MYO9B: variants seen among roughly 807,000 people sequenced by gnomAD.
MYO9B encodes unconventional myosin-IXb.
Under a neutral mutation model 229.5 loss-of-function variants are expected in MYO9B, and 71 were observed. That is an observed-to-expected ratio of 0.31 (90% CI 0.26 to 0.38). The LOEUF (loss-of-function observed/expected upper bound fraction) is 0.38, where lower values mean the gene tolerates loss of function less well. MYO9B is among the 10% of genes least tolerant of loss of function. MYO9B has a pLI of 1.00. For synonymous variants in MYO9B, 1,185 were observed against 1,235.8 expected, an observed-to-expected ratio of 0.96 and a Z score of 0.86; for missense variants, 2,255 against 2,920.5, an observed-to-expected ratio of 0.77 and a Z score of 5.25.
intron 1 of MYO9B, among the ~76,000 whole-genome samples, chr19:17,088,469 C>T (rs536242946): frequency 1.8e-4 from 28 of 152,284 alleles, no homozygotes; most frequent in African/African-American, 5.5e-4. Context: ...GCCCTGCGGA[C>T]GCTGTTTCTT....
At chr19:17,112,092 G>A (rs1422622035) in intron 2 of MYO9B, among the ~76,000 whole-genome samples, 1 of 152,092 alleles carries the variant, frequency 6.6e-6, no homozygotes, top group Non-Finnish European at 1.5e-5. Flanking sequence ...GGGTTTTCCT[G>A]GACCCCTGCC....
At position 17,102,011 on chromosome 19, in the gene MYO9B, GCA is replaced by G; in HGVS notation, c.296_297del (p.His99ProfsTer50). On this transcript the variant is annotated frameshift_variant, in exon 2 of 40. Coordinates refer to ENST00000682292, the MANE Select transcript of MYO9B (RefSeq NM_004145.4). LOFTEE classifies it high-confidence loss of function. ...LLWPRRAQDE[H>X]PQEDGYYFLL... ...TATGGCCCCGGCGGGCACAGGACGA[GCA>G]CCCTCAGGAGGATGGCTACTACTTC... 1 of 1,612,528 alleles carries G rather than the reference GCA, an allele frequency of 6.2e-7. No individual in the cohort carries two copies. Among genetic ancestry groups the G allele is most frequent in the Non-Finnish European group, 8.5e-7 (1 of 1,179,884 alleles).
At chr19:17,095,359 CTA>C (rs1373746460) in intron 1 of MYO9B, 1 of 152,444 alleles carries the variant, frequency 6.6e-6, no homozygotes, top group Non-Finnish European at 1.5e-5. Flanking sequence ...CAGTCACTCC[CTA>C]TTCCCCCTCC....
chr19:17,124,543 G>T (rs977437522), intron 2 of MYO9B, among the ~76,000 whole-genome samples: 8 of 151,832 alleles, frequency 5.3e-5, no homozygotes, highest in African/African-American at 1.7e-4. Flanking sequence ...AGGCCAAGGC[G>T]GGCAGATCAC....
intron 35 of MYO9B, among the ~76,000 whole-genome samples, 189 bp from the exon 36 acceptor site, chr19:17,209,397 C>A (rs929990045): frequency 6.6e-5 from 10 of 152,218 alleles, no homozygotes; most frequent in Non-Finnish European, 1.3e-4. Context: ...AGACAGGAGA[C>A]AGGCTCAAAG....
At chr19:17,201,417 G>A (rs116189680) in intron 26 of MYO9B, among the ~76,000 whole-genome samples, 3,737 of 152,206 alleles carry the variant, frequency 0.025, 50 homozygotes, top group Middle Eastern at 0.044. Flanking sequence ...ACAGGGGGCC[G>A]ATGGGGACAC....
At chr19:17,094,892 A>G (rs2057673332) in intron 1 of MYO9B, among the ~76,000 whole-genome samples, 1 of 152,104 alleles carries the variant, frequency 6.6e-6, no homozygotes, top group African/African-American at 2.4e-5. Flanking sequence ...GCAGTGAGCC[A>G]CAATTGCACC....
In MYO9B at chr19:17,159,469, C is replaced by G. The variant is rs777247566; in HGVS notation, c.1404C>G (p.Pro468=). Residue 468 remains proline, a synonymous_variant, in exon 8 of 40, where the codon CCC becomes CCG. Coordinates refer to ENST00000682292, the MANE Select transcript of MYO9B (RefSeq NM_004145.4). ...CCGTCAACGACAAGCTTATCCTTCC[C>G]TACAGCCTCAGCGAGGTGAGCTCTG... ...TVTVNDKLIL[P]YSLSEAITAR... 1.2e-6 allele frequency: 2 copies of G among 1,609,234 alleles called. No individual in the cohort carries two copies.
chr19:17,181,097 T>G, intron 15 of MYO9B, 57 bp downstream of exon 15: 2 of 1,282,596 alleles, frequency 1.6e-6, no homozygotes, highest in Non-Finnish European at 2.2e-6. Flanking sequence ...CCACTACTCC[T>G]GCGACCCCGG....
chr19:17,192,727 C>T lies in MYO9B; in HGVS notation c.2812-19C>T. The T allele has an allele frequency of 6.6e-7, 1 of 1,507,008 alleles. No individual in the cohort carries two copies. Among genetic ancestry groups the T allele is most frequent in the South Asian group, 1.3e-5 (1 of 77,054 alleles). The allele number at this position is 1,507,008 out of a possible 1,614,324, so 93.4% of individuals were successfully genotyped here. A position where few individuals can be genotyped will look rare whatever the true frequency, so the allele number is the denominator to read the frequency against. On this transcript the variant is annotated intron_variant, in intron 20 of 39. Coordinates refer to ENST00000682292, the MANE Select transcript of MYO9B (RefSeq NM_004145.4). ...TCAGGGGCAGTGCAGCTGACCCCAC[C>T]TGACCCCGTGCCCACCAGGTCTTCC...
intron 1 of MYO9B, among the ~76,000 whole-genome samples, chr19:17,100,568 C>G (rs900092024): frequency 6.6e-6 from 1 of 152,202 alleles, no homozygotes; most frequent in Admixed American, 6.5e-5. Context: ...CTCTTCCATT[C>G]AAGCCCTCTC....
intron 21 of MYO9B, among the ~76,000 whole-genome samples, chr19:17,194,028 C>T (rs746814876): frequency 6.6e-6 from 1 of 152,018 alleles, no homozygotes; most frequent in Non-Finnish European, 1.5e-5. Flanking sequence ...AAAAATTTGC[C>T]GGGCTTGGTG....
Position 17,193,942 on chromosome 19 carries a change from G to T in MYO9B, c.3129-614G>T, listed in dbSNP as rs2073012826. Among the ~76,000 whole-genome samples, 1 of 152,094 alleles carries T rather than the reference G, an allele frequency of 6.6e-6. No homozygotes were observed. Among genetic ancestry groups the T allele is most frequent in the Non-Finnish European group, 1.5e-5 (1 of 68,020 alleles). ...AAGGCCAGCACTTTGGGAGGCCAAG[G>T]CAGGCAGATCACATGAGGCCAGGAG... On this transcript the variant is annotated intron_variant, in intron 21 of 39. Coordinates refer to ENST00000682292, the MANE Select transcript of MYO9B (RefSeq NM_004145.4). The surrounding 1 kb of genome is among the most constrained non-coding windows in gnomAD (Gnocchi z 4.3).
intron 30 of MYO9B, among the ~76,000 whole-genome samples, chr19:17,204,030 G>T (rs1293329840): frequency 1.3e-5 from 2 of 152,022 alleles, no homozygotes; most frequent in Non-Finnish European, 2.9e-5. Context: ...GGTCAAGAGG[G>T]CCTCTCCTAC....
intron 17 of MYO9B, among the ~76,000 whole-genome samples, chr19:17,185,546 CAA>C (rs556058505): frequency 4.2e-5 from 5 of 118,468 alleles, no homozygotes; most frequent in Non-Finnish European, 7.1e-5. Flanking sequence ...GACTGCGTCT[CAA>C]AAAAAAAAAA....
In MYO9B at chr19:17,169,731, G is replaced by A. The variant is rs934978975; in HGVS notation, c.1793+1667G>A. Among the ~76,000 whole-genome samples the A allele has an allele frequency of 8.1e-5, 12 of 148,730 alleles. No homozygotes were observed. In the East Asian group the frequency reaches 2.2e-3, roughly 27 times the overall value. On this transcript the variant is annotated intron_variant, in intron 11 of 39. Transcript: ENST00000682292. ...TTTTGGCCACATCACTCCAGTCCCT[G>A]CCTCCCTCTTCCTCTTCACATGGAC... is the stretch of plus-strand genomic sequence containing the variant.
chr19:17,076,906 C>T (rs1052094382), intron 1 of MYO9B, among the ~76,000 whole-genome samples: 4 of 152,266 alleles, frequency 2.6e-5, no homozygotes, highest in Non-Finnish European at 5.9e-5. Context: ...CCCGGTTGCT[C>T]TGAGCTCAGC....
In MYO9B at chr19:17,180,959, A is replaced by G. The variant is rs761082440; in HGVS notation, c.2252A>G (p.Lys751Arg). The G allele has an allele frequency of 3.7e-6, 6 of 1,610,864 alleles. No individual in the cohort carries two copies. The highest frequency in any genetic ancestry group is 1.3e-5 in the African/African-American group (1 of 74,924). Residue 751 changes from lysine to arginine, a missense_variant, in exon 15 of 40, where the codon AAA becomes AGA. By Grantham distance (26) the Lys-to-Arg change is conservative. Around this residue, in one of 7 missense-constraint regions of MYO9B, gnomAD observed 155 missense variants for 159.1 expected, o/e 0.97. Coordinates refer to ENST00000682292, the MANE Select transcript of MYO9B (RefSeq NM_004145.4). Reference sequence around the variant, plus strand: ...CATAACCAAATGATCAAGAGCATCAAAGGATTGCCCTGGCAGGGCGAGGAC... The same window carrying G: ...CATAACCAAATGATCAAGAGCATCAGAGGATTGCCCTGGCAGGGCGAGGAC... ...DLHNQMIKSI[K>R]GLPWQGEDPR...
chr19:17,211,397 C>T (rs2073227175), intron 38 of MYO9B, among the ~76,000 whole-genome samples: 1 of 152,154 alleles, frequency 6.6e-6, no homozygotes, highest in Non-Finnish European at 1.5e-5. Context: ...TCAGCCTCCC[C>T]AGTAGCCGGA....
Sources: gnomAD v4.1 joint callset for allele counts (sites outside exome capture counted in the v4.1 genomes callset) on GRCh38, gnomAD v4.1.1 for gene constraint, gnomAD v4.1.1 regional missense constraint, Gnocchi (gnomAD v3.1) non-coding constraint, MANE v1.5 for transcripts, NCBI Gene and HGNC (gene_info 2026-07-23, HGNC 2026-07-21) for gene names.